TRPM1: variants seen among roughly 807,000 people sequenced by gnomAD.
TRPM1 encodes the protein TRPM1-203 APA Isoform, Intron 10.
TRPM1 carries 113 observed loss-of-function variants against 149.4 expected under a neutral mutation model. That is an observed-to-expected ratio of 0.76 (90% CI 0.65 to 0.88). The LOEUF (loss-of-function observed/expected upper bound fraction) is 0.88. Among genes scored for constraint, TRPM1 ranks in the 40% least tolerant of loss-of-function variants. The probability of loss-of-function intolerance (pLI) is 0.00; values close to 1 mark genes in which losing one functional copy is unlikely to be tolerated. For synonymous variants in TRPM1, 741 were observed against 759.5 expected (o/e 0.98, Z 0.40); for missense variants, 1,976 against 2,038.7 (o/e 0.97, Z 0.59).
At chr15:31,031,818 T>G (rs1039107678) in intron 22 of TRPM1, among the ~76,000 whole-genome samples, 2 of 152,270 alleles carry the variant, frequency 1.3e-5, no homozygotes, top group Admixed American at 6.5e-5. Flanking sequence ...TGGTTCATTT[T>G]CAGTTTCATA....
chr15:31,068,028 T>C lies in TRPM1; in HGVS notation c.344A>G (p.Gln115Arg), dbSNP rs752993275. Reference protein sequence around the residue: ...SLLHLMVKDWQLELPKLLISV... With the variant: ...SLLHLMVKDWRLELPKLLISV... ...TATTAAGAGCTTGGGGAGTTCCAGC[T>C]GCCAATCTTTCACCATGAGATGGAG... Residue 115 changes from glutamine to arginine, a missense_variant, in exon 5 of 28, where the codon CAG becomes CGG. Around this residue, in one of 3 missense-constraint regions of TRPM1, gnomAD observed 1,332 missense variants for 1,347.1 expected, o/e 0.99. Transcript: ENST00000256552. 6.2e-7 allele frequency: 1 copy of C among 1,614,216 alleles called. No individual in the cohort carries two copies. Among genetic ancestry groups the C allele is most frequent in the East Asian group, 2.2e-5 (1 of 44,878 alleles).
At chr15:31,096,839 T>C (rs2035396374) in intron 1 of TRPM1, among the ~76,000 whole-genome samples, 1 of 152,168 alleles carries the variant, frequency 6.6e-6, no homozygotes, top group African/African-American at 2.4e-5. Context: ...ACTAGGCCTG[T>C]CAGGTGTGGG....
At chr15:31,129,418 C>A (rs1450610713) in intron 1 of TRPM1, among the ~76,000 whole-genome samples, 1 of 152,200 alleles carries the variant, frequency 6.6e-6, no homozygotes, top group Non-Finnish European at 1.5e-5. Context: ...GTTGACAGAA[C>A]CTCACCGCCT....
intron 1 of TRPM1, among the ~76,000 whole-genome samples, chr15:31,091,329 T>G (rs552014833): frequency 3.8e-4 from 58 of 152,358 alleles, no homozygotes; most frequent in African/African-American, 1.4e-3. Flanking sequence ...TTTGCAAGTA[T>G]TTGCCCACTC....
At chr15:31,102,781 G>A (rs959889683), upstream of TRPM1, among the ~76,000 whole-genome samples, 3 of 152,198 alleles carry the variant, frequency 2.0e-5, no homozygotes, top group Admixed American at 6.5e-5. Flanking sequence ...GTCTGTCACC[G>A]CAGAGTGGGC....
At chr15:31,142,196 G>A (rs937332526) in intron 1 of TRPM1, among the ~76,000 whole-genome samples, 3 of 151,890 alleles carry the variant, frequency 2.0e-5, no homozygotes, top group African/African-American at 7.3e-5. Flanking sequence ...TATTTTTAAG[G>A]GTGTCTCCCT....
chr15:31,092,659 G>C (rs55989345), intron 1 of TRPM1, among the ~76,000 whole-genome samples: 28,534 of 152,146 alleles, frequency 0.19, 3,674 homozygotes, highest in African/African-American at 0.37. Flanking sequence ...AGGTTTACTG[G>C]AAATATACTT....
intron 1 of TRPM1, among the ~76,000 whole-genome samples, chr15:31,138,527 G>A (rs1357517779): frequency 6.6e-6 from 1 of 151,156 alleles, no homozygotes; most frequent in Non-Finnish European, 1.5e-5. Flanking sequence ...GCTGTGTCGC[G>A]AAGTCAGTTG....
At chr15:31,117,753 A>G (rs2035821566) in intron 1 of TRPM1, among the ~76,000 whole-genome samples, 1 of 152,082 alleles carries the variant, frequency 6.6e-6, no homozygotes, top group Non-Finnish European at 1.5e-5. Context: ...GTGTAATATT[A>G]TCAAAGAGAA....
intron 2 of TRPM1, 150 bp downstream of exon 2, chr15:31,081,203 A>G: frequency 1.4e-6 from 1 of 712,328 alleles, no homozygotes; most frequent in Non-Finnish European, 2.5e-6. Flanking sequence ...GGCAAGTGCA[A>G]CTGGCGCCAT....
chr15:31,035,395 C>T (rs2140918370), intron 21 of TRPM1, 151 bp downstream of exon 21: 2 of 1,152,884 alleles, frequency 1.7e-6, no homozygotes, highest in East Asian at 2.4e-5. Flanking sequence ...ATCCATCCGC[C>T]TCAGCCTCCC....
chr15:31,117,788 A>C (rs2035822116), intron 1 of TRPM1, among the ~76,000 whole-genome samples: 1 of 152,190 alleles, frequency 6.6e-6, no homozygotes, highest in African/African-American at 2.4e-5. Flanking sequence ...TCAAAAGGAA[A>C]AACTAAAGAT....
intron 21 of TRPM1, among the ~76,000 whole-genome samples, chr15:31,033,945 G>C (rs934089356): frequency 6.6e-6 from 1 of 152,168 alleles, no homozygotes; most frequent in Non-Finnish European, 1.5e-5. Flanking sequence ...TGGTTTTTCA[G>C]GCTCTAATTA....
At chr15:31,091,230 C>T (rs181541266) in intron 1 of TRPM1, among the ~76,000 whole-genome samples, 170 of 152,300 alleles carry the variant, frequency 1.1e-3, no homozygotes, top group East Asian at 3.7e-3. Flanking sequence ...TGCTGGAGAT[C>T]GGACACAATG....
chr15:31,111,201 A>G (rs899755375), intron 1 of TRPM1, among the ~76,000 whole-genome samples: 2 of 152,166 alleles, frequency 1.3e-5, no homozygotes, highest in Non-Finnish European at 2.9e-5. Context: ...CCTAGCAGAG[A>G]GCATTATCTG....
In TRPM1 at chr15:31,032,779, A is replaced by G. The variant is rs1416181671; in HGVS notation, c.2862T>C (p.Cys954=). 9.9e-6 allele frequency: 16 copies of G among 1,614,018 alleles called. No individual in the cohort carries two copies. The highest frequency in any genetic ancestry group is 1.7e-5 in the Admixed American group (1 of 60,002). ...GGATGTACCAGAAGATGATATCCAC[A>G]CAGTAGATCACCCGGCCATAGCCCA... The part of the protein sequence containing the change: ...PYMGYGRVIY[C]VDIIFWYIRV... Residue 954 remains cysteine, a synonymous_variant, in exon 22 of 28, where the codon TGT becomes TGC. Transcript: ENST00000256552.
At chr15:31,160,620 T>G (rs1353615957) in intron 1 of TRPM1, among the ~76,000 whole-genome samples, 1 of 152,062 alleles carries the variant, frequency 6.6e-6, no homozygotes, top group Non-Finnish European at 1.5e-5. Flanking sequence ...TCTGGAATGG[T>G]GAAAGGATTT....
intron 6 of TRPM1, among the ~76,000 whole-genome samples, chr15:31,066,646 C>T (rs2034384241): frequency 6.6e-6 from 1 of 152,128 alleles, no homozygotes; most frequent in Non-Finnish European, 1.5e-5. Context: ...ATACATATGG[C>T]AACCTGGACG....
At chr15:31,086,841 A>G (rs2035014491) in intron 1 of TRPM1, among the ~76,000 whole-genome samples, 1 of 152,224 alleles carries the variant, frequency 6.6e-6, no homozygotes, top group East Asian at 1.9e-4. Context: ...AGCAATTAAT[A>G]TTTAAAATAT....
Sources: allele counts gnomAD v4.1 joint callset (sites outside exome capture counted in the v4.1 genomes callset), GRCh38; gene constraint gnomAD v4.1.1; regional missense constraint gnomAD v4.1.1; transcripts MANE v1.5; gene names NCBI Gene and HGNC (gene_info 2026-07-23, HGNC 2026-07-21).